TAFA2: variants seen among roughly 807,000 people sequenced by gnomAD.
TAFA2 encodes the protein chemokine-like protein TAFA-2.
In TAFA2, 7 loss-of-function variants were observed where a neutral mutation model predicts 18.8. The ratio of observed to expected loss-of-function variants is 0.37; its 90% CI spans 0.21 to 0.70. TAFA2 has a LOEUF of 0.70. TAFA2 is among the 30% of genes least tolerant of loss of function. TAFA2 has a pLI of 0.53. For synonymous variants in TAFA2, 60 were observed against 54.2 expected (o/e 1.11, Z -0.47); for missense variants, 122 against 158.1 (o/e 0.77, Z 1.23).
At position 61,841,349 on chromosome 12, in the gene TAFA2, C is replaced by T. The variant is rs1048585275; in HGVS notation, c.106+25971G>A. ...TCAAACCAGTACATTTCACATAAGG[C>T]CAGTTCAAACAATTGAAGGATACAA... On this transcript the variant is annotated intron_variant, in intron 2 of 4. Coordinates refer to ENST00000416284, the MANE Select transcript of TAFA2 (RefSeq NM_178539.5). Among the ~76,000 whole-genome samples, 5 of 152,132 alleles carry T rather than the reference C, an allele frequency of 3.3e-5. No homozygotes were observed. In the Middle Eastern group the frequency reaches 0.01, roughly 310 times the overall value.
At chr12:61,727,282 G>C (rs1870211283) in intron 4 of TAFA2, among the ~76,000 whole-genome samples, 1 of 151,702 alleles carries the variant, frequency 6.6e-6, no homozygotes, top group Non-Finnish European at 1.5e-5. Context: ...TTTTGGAATA[G>C]TTTCTGTAGA....
chr12:62,239,391 G>A (rs1006349004), intron 1 of TAFA2, among the ~76,000 whole-genome samples: 72 of 152,038 alleles, frequency 4.7e-4, no homozygotes, highest in Non-Finnish European at 4.7e-4. Flanking sequence ...TGAATTATAA[G>A]CACTGATCCT....
intron 1 of TAFA2, among the ~76,000 whole-genome samples, chr12:62,016,430 C>A (rs928097524): frequency 1.3e-5 from 2 of 152,120 alleles, no homozygotes; most frequent in Non-Finnish European, 2.9e-5. Context: ...AAAAGCTTAA[C>A]TTTGAAAATA....
intron 2 of TAFA2, among the ~76,000 whole-genome samples, chr12:61,784,344 G>T (rs966837011): frequency 6.6e-6 from 1 of 151,474 alleles, no homozygotes; most frequent in African/African-American, 2.4e-5. Flanking sequence ...GCATAGTACT[G>T]CCAAACACAT....
chr12:62,211,180 C>A (rs573147103), intron 1 of TAFA2, among the ~76,000 whole-genome samples: 96 of 152,216 alleles, frequency 6.3e-4, no homozygotes, highest in African/African-American at 2.2e-3. Context: ...AATGATGATA[C>A]CACCAAAGAG....
intron 1 of TAFA2, among the ~76,000 whole-genome samples, chr12:62,075,499 T>G (rs1164898972): frequency 6.6e-6 from 1 of 152,112 alleles, no homozygotes. Context: ...GATTAGACTC[T>G]CTCCCCCTTC....
chr12:61,710,500 TAACTC>T, intron 4 of TAFA2, 83 bp from the exon 5 acceptor site: 1 of 1,166,262 alleles, frequency 8.6e-7, no homozygotes, highest in Non-Finnish European at 1.3e-6. Flanking sequence ...AATTAATAGA[TAACTC>T]AAAATGCTGG....
chr12:62,132,054 C>A (rs1268906321), intron 1 of TAFA2, among the ~76,000 whole-genome samples: 1 of 146,240 alleles, frequency 6.8e-6, no homozygotes, highest in Non-Finnish European at 1.5e-5. Flanking sequence ...GAGATGCCTA[C>A]ACAAAACTGA....
At chr12:62,064,985 A>C (rs1882448299) in intron 1 of TAFA2, among the ~76,000 whole-genome samples, 1 of 151,996 alleles carries the variant, frequency 6.6e-6, no homozygotes, top group South Asian at 2.1e-4. Flanking sequence ...TTACTATTTT[A>C]ACTGACAATA....
chr12:61,806,230 C>T (rs946565648), intron 2 of TAFA2, among the ~76,000 whole-genome samples: 5 of 152,136 alleles, frequency 3.3e-5, no homozygotes, highest in African/African-American at 2.4e-5. Context: ...GTGGGAGGCA[C>T]CCAGTGAAAG....
chr12:61,808,108 C>A (rs1871702880), intron 2 of TAFA2, among the ~76,000 whole-genome samples: 2 of 151,678 alleles, frequency 1.3e-5, no homozygotes, highest in African/African-American at 2.4e-5. Context: ...TGTGTTCCCA[C>A]TGAAATCTCA....
chr12:62,203,663 T>A (rs111544411), intron 1 of TAFA2, among the ~76,000 whole-genome samples: 8,462 of 152,138 alleles, frequency 0.056, 286 homozygotes, highest in African/African-American at 0.085. Flanking sequence ...CAACCCCTGC[T>A]TTTTTTGGCT....
At chr12:62,187,604 T>C (rs1387337255) in intron 1 of TAFA2, among the ~76,000 whole-genome samples, 3 of 152,202 alleles carry the variant, frequency 2.0e-5, no homozygotes, top group Non-Finnish European at 4.4e-5. Flanking sequence ...TATGTCTAAC[T>C]TATCCTCTTA....
At chr12:61,855,481 C>T (rs953842041) in intron 2 of TAFA2, among the ~76,000 whole-genome samples, 1 of 151,950 alleles carries the variant, frequency 6.6e-6, no homozygotes, top group Admixed American at 6.6e-5. Context: ...AAATTTTGAT[C>T]CAGAACAACA....
intron 2 of TAFA2, among the ~76,000 whole-genome samples, chr12:61,798,392 T>C (rs747659208): frequency 8.5e-5 from 13 of 152,296 alleles, no homozygotes; most frequent in African/African-American, 1.2e-4. Context: ...ATTTGTTACA[T>C]AGGTATATGC....
At chr12:62,087,039 A>G (rs1868483808) in intron 1 of TAFA2, among the ~76,000 whole-genome samples, 3 of 152,182 alleles carry the variant, frequency 2.0e-5, no homozygotes, top group African/African-American at 4.8e-5. Flanking sequence ...CAGTTACAAA[A>G]TGACAAATAC....
chr12:62,211,062 G>C (rs2062710998), intron 1 of TAFA2, among the ~76,000 whole-genome samples: 1 of 152,146 alleles, frequency 6.6e-6, no homozygotes, highest in African/African-American at 2.4e-5. Flanking sequence ...ATCAGCAAGA[G>C]ATCTTTAGGA....
intron 1 of TAFA2, among the ~76,000 whole-genome samples, chr12:62,205,366 G>A (rs2062687654): frequency 6.6e-6 from 1 of 152,248 alleles, no homozygotes; most frequent in South Asian, 2.1e-4. Context: ...CAGAGGGGGT[G>A]CACTGCACAG....
At chr12:61,924,913 GC>G (rs1433645834) in intron 1 of TAFA2, among the ~76,000 whole-genome samples, 3 of 151,938 alleles carry the variant, frequency 2.0e-5, no homozygotes, top group African/African-American at 7.2e-5. Flanking sequence ...CAAATGGAAA[GC>G]AAAAAACCCA....
Sources: allele counts gnomAD v4.1 joint callset (sites outside exome capture counted in the v4.1 genomes callset), GRCh38; gene constraint gnomAD v4.1.1; transcripts MANE v1.5; gene names NCBI Gene and HGNC (gene_info 2026-07-23, HGNC 2026-07-21).